The following PIK3R6 variants were observed in gnomAD, a reference collection of about 807,000 sequenced individuals.
The protein encoded by PIK3R6 is phosphoinositide-3-kinase regulatory subunit 6.
Under a neutral mutation model 84.9 loss-of-function variants are expected in PIK3R6, and 91 were observed. The observed-to-expected ratio is 1.07, with a 90% CI of 0.90 to 1.28. The LOEUF (loss-of-function observed/expected upper bound fraction) is 1.28, where lower values mean the gene tolerates loss of function less well. Ranked by LOEUF, PIK3R6 falls within the 50% of genes most tolerant of loss-of-function variation. The pLI is 0.00. For missense variants in PIK3R6, 996 were observed against 985.1 expected (o/e 1.01, Z -0.15); for synonymous variants, 416 against 411.4 (o/e 1.01, Z -0.13).
At chr17:8,828,234 G>A (rs1248656016) in intron 11 of PIK3R6, 44 bp from the exon 12 acceptor site, 1 of 1,578,680 alleles carries the variant, frequency 6.3e-7, no homozygotes, top group Non-Finnish European at 8.7e-7. Context: ...GGCGGGGCTT[G>A]GCTTCAAACA....
In PIK3R6 at chr17:8,828,229, G is replaced by A. The variant is rs780352365; in HGVS notation, c.1314-39C>T. On this transcript the variant is annotated intron_variant, in intron 11 of 19. Coordinates refer to ENST00000619866, the MANE Select transcript of PIK3R6 (RefSeq NM_001010855.4). ...GCAAAGCAGAGGAGGTTAGGGGCGG[G>A]GCTTGGCTTCAAACAGACTCGGCTC... 1.9e-6 allele frequency: 3 copies of A among 1,594,952 alleles called. No individual in the cohort carries two copies. In the African/African-American group the frequency reaches 4.0e-5, roughly 21 times the overall value.
intron 8 of PIK3R6, among the ~76,000 whole-genome samples, chr17:8,833,814 A>G (rs1157635951): frequency 4.0e-5 from 6 of 151,818 alleles, no homozygotes; most frequent in Admixed American, 1.3e-4. Context: ...TGTTGGGATT[A>G]CAGGCGTGAA....
chr17:8,819,505 T>C (rs1297516958), intron 17 of PIK3R6, among the ~76,000 whole-genome samples: 1 of 151,902 alleles, frequency 6.6e-6, no homozygotes, highest in African/African-American at 2.4e-5. Context: ...AATAAAATTC[T>C]AGAAGTTCTC....
intron 12 of PIK3R6, 145 bp downstream of exon 12, chr17:8,827,967 C>G (rs1047244123): frequency 5.0e-5 from 40 of 798,350 alleles, no homozygotes; most frequent in Non-Finnish European, 7.7e-5. Context: ...AATAGAAGAC[C>G]GCTGACCTCT....
At chr17:8,804,223 C>G (rs2087132660) in intron 18 of PIK3R6, 70 bp from the exon 19 acceptor site, 2 of 1,273,420 alleles carry the variant, frequency 1.6e-6, no homozygotes, top group Non-Finnish European at 2.3e-6. Context: ...CATGCCCTAC[C>G]CTGGAATCTG....
intron 18 of PIK3R6, among the ~76,000 whole-genome samples, chr17:8,813,037 C>T (rs1483332450): frequency 6.6e-6 from 1 of 152,000 alleles, no homozygotes; most frequent in African/African-American, 2.4e-5. Flanking sequence ...ATCAAATAAG[C>T]ACAATCAGAA....
chr17:8,833,831 C>T (rs959849541), intron 8 of PIK3R6, among the ~76,000 whole-genome samples: 95 of 151,886 alleles, frequency 6.3e-4, no homozygotes, highest in Non-Finnish European at 1.1e-3. Flanking sequence ...TGAACCACCG[C>T]GCTTGGCCGA....
chr17:8,835,167 A>C, intron 8 of PIK3R6, 106 bp downstream of exon 8: 1 of 1,198,060 alleles, frequency 8.3e-7, no homozygotes, highest in Non-Finnish European at 1.1e-6. Flanking sequence ...TTTGGGGGAA[A>C]AGGTGATGCG....
intron 1 of PIK3R6, among the ~76,000 whole-genome samples, chr17:8,864,529 CTTTTTTTTTTTT>C (rs35714531): frequency 4.6e-5 from 3 of 65,542 alleles, no homozygotes; most frequent in Admixed American, 1.9e-4. Context: ...CTTCACAGCT[CTTTTTTTTTTTT>C]TTTTTTTTTT....
chr17:8,821,116 A>G (rs1400607313), intron 17 of PIK3R6, among the ~76,000 whole-genome samples: 2 of 152,202 alleles, frequency 1.3e-5, no homozygotes, highest in African/African-American at 4.8e-5. Context: ...TTTGCTCCAA[A>G]ATGATCTTCT....
chr17:8,839,481 G>A lies in PIK3R6; in HGVS notation c.97+133C>T. On this transcript the variant is annotated intron_variant, in intron 3 of 19. Coordinates refer to ENST00000619866, the MANE Select transcript of PIK3R6 (RefSeq NM_001010855.4). This position sits in a 1 kb window ranked among gnomAD's most constrained non-coding sequence, Gnocchi z 4.2. ...CTTCAGGCTCTAGGTATTTCCAGCA[G>A]GAAAGGGGTTTGGTGAGACGACCCT... is the stretch of plus-strand genomic sequence containing the variant. 1 of 618,648 alleles carries A rather than the reference G, an allele frequency of 1.6e-6. No individual in the cohort carries two copies. Among genetic ancestry groups the A allele is most frequent in the Non-Finnish European group, 2.8e-6 (1 of 363,444 alleles). 38.3% of individuals were successfully genotyped at this position (618,648 alleles called of 1,614,324 possible). A position where few individuals can be genotyped will look rare whatever the true frequency, so the allele number is the denominator to read the frequency against.
intron 18 of PIK3R6, among the ~76,000 whole-genome samples, chr17:8,808,403 G>A (rs1465670101): frequency 1.3e-5 from 2 of 151,822 alleles, no homozygotes; most frequent in African/African-American, 2.4e-5. Context: ...TGGGGGTCCC[G>A]GAAATAATCC....
At chr17:8,831,384 G>T (rs1163537531) in intron 9 of PIK3R6, among the ~76,000 whole-genome samples, 6 of 147,770 alleles carry the variant, frequency 4.1e-5, no homozygotes, top group African/African-American at 1.5e-4. Flanking sequence ...CAGGAGACAG[G>T]TGCCCTTGGA....
intron 8 of PIK3R6, among the ~76,000 whole-genome samples, chr17:8,833,401 G>C (rs1371009636): frequency 6.6e-6 from 1 of 152,164 alleles, no homozygotes; most frequent in African/African-American, 2.4e-5. Context: ...GGAATTCACA[G>C]GGAATTTTGT....
At chr17:8,829,590 AC>A (rs1597402547) in intron 10 of PIK3R6, 115 bp downstream of exon 10, 5 of 1,076,024 alleles carry the variant, frequency 4.6e-6, no homozygotes, top group Non-Finnish European at 6.8e-6. Flanking sequence ...ACACTGACAC[AC>A]ACTCATGCAT....
chr17:8,840,083 A>T (rs113757808), intron 2 of PIK3R6, among the ~76,000 whole-genome samples: 3,831 of 151,374 alleles, frequency 0.025, 182 homozygotes, highest in African/African-American at 0.087. Flanking sequence ...TATGAAATAT[A>T]TATATCCTCC....
In PIK3R6 at chr17:8,828,096, C is replaced by A; in HGVS notation, c.1392+16G>T. The A allele has an allele frequency of 6.2e-7, 1 of 1,613,066 alleles. No homozygotes were observed. Among genetic ancestry groups the A allele is most frequent in the Non-Finnish European group, 8.5e-7 (1 of 1,179,258 alleles). On this transcript the variant is annotated intron_variant, in intron 12 of 19. Transcript: ENST00000619866. ...CCTGTCTCTGCCCCGCCACCGCCTCCCCGCGGTCCAGTCACCTCAGGCGCC... is the reference window on the plus strand; with the variant it reads ...CCTGTCTCTGCCCCGCCACCGCCTCACCGCGGTCCAGTCACCTCAGGCGCC...
At chr17:8,855,461 A>G (rs564488384) in intron 1 of PIK3R6, among the ~76,000 whole-genome samples, 12 of 152,336 alleles carry the variant, frequency 7.9e-5, no homozygotes, top group African/African-American at 2.9e-4. Context: ...CATTAAAAAA[A>G]TGCTCAATGC....
In PIK3R6 at chr17:8,811,555, C is replaced by A. The variant is rs890707995; in HGVS notation, c.1996-7402G>T. Reference sequence around the variant, plus strand: ...TTATAAAACTGAATGCCTTTAACAGCACCCAAGTCACCTCTTGAATGCATT... The same window carrying A: ...TTATAAAACTGAATGCCTTTAACAGAACCCAAGTCACCTCTTGAATGCATT... On this transcript the variant is annotated intron_variant, in intron 18 of 19. Coordinates refer to ENST00000619866, the MANE Select transcript of PIK3R6 (RefSeq NM_001010855.4). 7.4e-5 allele frequency among the ~76,000 whole-genome samples: 11 copies of A among 148,322 alleles called. 1 individual carries two copies. Among genetic ancestry groups the A allele is most frequent in the Non-Finnish European group, 1.3e-4 (9 of 67,940 alleles).
Sources: allele counts gnomAD v4.1 joint callset (sites outside exome capture counted in the v4.1 genomes callset), GRCh38; gene constraint gnomAD v4.1.1; non-coding constraint Gnocchi (gnomAD v3.1); transcripts MANE v1.5; gene names NCBI Gene and HGNC (gene_info 2026-07-23, HGNC 2026-07-21).